The following B3GALT1 variants were observed in gnomAD, a reference collection of about 807,000 sequenced individuals.
The protein encoded by B3GALT1 is UDP-Gal:betaGlcNAc beta 1,3-galactosyltransferase, polypeptide 1.
Under a neutral mutation model 23.2 loss-of-function variants are expected in B3GALT1, and 10 were observed. The observed-to-expected ratio is 0.43, with a 90% CI of 0.27 to 0.73. The LOEUF is 0.73. Ranked by LOEUF, B3GALT1 falls within the 30% of genes least tolerant of loss-of-function variation. The pLI, the probability that B3GALT1 is intolerant of heterozygous loss-of-function variation, is 0.21. For missense variants in B3GALT1, 299 were observed against 405.4 expected (o/e 0.74, Z 2.25); for synonymous variants, 156 against 141.5 (o/e 1.10, Z -0.73).
At chr2:167,322,941 T>A (rs1696835848) in intron 1 of B3GALT1, among the ~76,000 whole-genome samples, 1 of 152,090 alleles carries the variant, frequency 6.6e-6, no homozygotes, top group South Asian at 2.1e-4. Flanking sequence ...TTTTTCCTCA[T>A]AATTGAAAAC....
At chr2:167,483,750 A>G (rs1201639633) in intron 1 of B3GALT1, among the ~76,000 whole-genome samples, 2 of 152,228 alleles carry the variant, frequency 1.3e-5, no homozygotes, top group East Asian at 3.8e-4. Context: ...TCAGCCCTCC[A>G]TAGAATCAGA....
At chr2:167,303,028 C>G (rs1246743999) in intron 1 of B3GALT1, among the ~76,000 whole-genome samples, 2 of 152,040 alleles carry the variant, frequency 1.3e-5, no homozygotes, top group Non-Finnish European at 2.9e-5. Flanking sequence ...GAACTCTGCA[C>G]AGAATGATTT....
At chr2:167,467,585 G>C (rs570783542) in intron 1 of B3GALT1, among the ~76,000 whole-genome samples, 8 of 152,290 alleles carry the variant, frequency 5.3e-5, no homozygotes, top group African/African-American at 1.9e-4. Context: ...TTGTAGAGCA[G>C]GGGAGCAGAA....
chr2:167,365,071 G>C (rs924424687), intron 1 of B3GALT1, among the ~76,000 whole-genome samples: 1 of 152,102 alleles, frequency 6.6e-6, no homozygotes, highest in Non-Finnish European at 1.5e-5. Context: ...TGGGTGTTGC[G>C]TTTTCTGATT....
chr2:167,741,713 C>T (rs1385737303), intron 3 of B3GALT1, among the ~76,000 whole-genome samples: 1 of 152,100 alleles, frequency 6.6e-6, no homozygotes, highest in Admixed American at 6.6e-5. Flanking sequence ...CACTAAACAT[C>T]TTTGACCTTG....
chr2:167,665,905 G>A (rs370618452), intron 3 of B3GALT1, among the ~76,000 whole-genome samples: 2,505 of 151,692 alleles, frequency 0.017, 64 homozygotes, highest in African/African-American at 0.057. Flanking sequence ...GATCCTTTCA[G>A]AAAACCAGCT....
At chr2:167,642,141 A>G (rs1685663203) in intron 2 of B3GALT1, among the ~76,000 whole-genome samples, 1 of 152,148 alleles carries the variant, frequency 6.6e-6, no homozygotes, top group Admixed American at 6.5e-5. Context: ...CTCTCACTGC[A>G]GACTTGGGGA....
chr2:167,561,993 A>G (rs1228657), intron 2 of B3GALT1, among the ~76,000 whole-genome samples: 84,290 of 152,026 alleles, frequency 0.55, 27,830 homozygotes, highest in East Asian at 0.99. Context: ...GCCGGCCAGA[A>G]ACACAACCAA....
At chr2:167,302,563 A>G (rs1696468005) in intron 1 of B3GALT1, among the ~76,000 whole-genome samples, 3 of 152,248 alleles carry the variant, frequency 2.0e-5, no homozygotes, top group East Asian at 1.9e-4. Flanking sequence ...TGCTTTTCAC[A>G]TCTTTATCTT....
In B3GALT1 at chr2:167,715,011, C is replaced by T. The variant is rs6713164; in HGVS notation, c.-352+68045C>T. 5,011 of 1,611,480 alleles carry T rather than the reference C, an allele frequency of 3.1e-3. 128 individuals carry two copies. In the African/African-American group the frequency reaches 0.056, roughly 18 times the overall value. ...TGAGTCTGAAGATTTTTAATATGCTCGGTAAGCTCTTCCTTTGTTTTGTCC... is the reference window on the plus strand; with the variant it reads ...TGAGTCTGAAGATTTTTAATATGCTTGGTAAGCTCTTCCTTTGTTTTGTCC... On this transcript the variant is annotated intron_variant, in intron 3 of 4. Transcript: ENST00000392690.
At chr2:167,389,780 C>T (rs985953846) in intron 1 of B3GALT1, among the ~76,000 whole-genome samples, 10 of 151,804 alleles carry the variant, frequency 6.6e-5, no homozygotes, top group African/African-American at 2.4e-4. Context: ...GGCAGGGTGT[C>T]TCATGCCTAT....
intron 2 of B3GALT1, among the ~76,000 whole-genome samples, chr2:167,543,738 C>G (rs900664876): frequency 2.0e-5 from 3 of 152,148 alleles, no homozygotes; most frequent in African/African-American, 7.2e-5. Flanking sequence ...ACTGGAGCAC[C>G]ATCTTGGTGC....
At chr2:167,712,166 A>G (rs1230613460) in intron 3 of B3GALT1, among the ~76,000 whole-genome samples, 1 of 152,122 alleles carries the variant, frequency 6.6e-6, no homozygotes, top group Admixed American at 6.5e-5. Flanking sequence ...CAAACTTTTA[A>G]TAATGGAGCA....
At chr2:167,767,253 A>G (rs1270295014) in intron 3 of B3GALT1, among the ~76,000 whole-genome samples, 3 of 152,136 alleles carry the variant, frequency 2.0e-5, no homozygotes, top group Non-Finnish European at 4.4e-5. Flanking sequence ...GGCATCAACA[A>G]ATTTGAAGTG....
intron 2 of B3GALT1, among the ~76,000 whole-genome samples, chr2:167,534,253 T>C (rs1043826869): frequency 6.6e-6 from 1 of 152,190 alleles, no homozygotes; most frequent in African/African-American, 2.4e-5. Context: ...CTCATGTTGA[T>C]GTAGGTTGGA....
intron 2 of B3GALT1, among the ~76,000 whole-genome samples, chr2:167,558,697 G>A (rs1457893559): frequency 3.9e-5 from 6 of 152,150 alleles, no homozygotes; most frequent in East Asian, 3.9e-4. Context: ...ATGGAGTCTC[G>A]CTGATTGCTA....
intron 3 of B3GALT1, among the ~76,000 whole-genome samples, chr2:167,720,402 G>A (rs1382250833): frequency 6.6e-6 from 1 of 152,104 alleles, no homozygotes; most frequent in African/African-American, 2.4e-5. Context: ...CAAACATCTG[G>A]ACACTGGAAA....
chr2:167,459,239 G>A (rs1699219592), intron 1 of B3GALT1, among the ~76,000 whole-genome samples: 1 of 152,002 alleles, frequency 6.6e-6, no homozygotes. Context: ...TTGTAGTGAA[G>A]TGTTGAAATT....
At chr2:167,538,272 A>G (rs1683464439) in intron 2 of B3GALT1, among the ~76,000 whole-genome samples, 1 of 152,196 alleles carries the variant, frequency 6.6e-6, no homozygotes, top group Non-Finnish European at 1.5e-5. Flanking sequence ...TAAACACTAT[A>G]AACAAACTTG....
Sources: gnomAD v4.1 joint callset for allele counts (sites outside exome capture counted in the v4.1 genomes callset) on GRCh38, gnomAD v4.1.1 for gene constraint, MANE v1.5 for transcripts, NCBI Gene and HGNC (gene_info 2026-07-23, HGNC 2026-07-21) for gene names.